The following PLS3 variants were observed in gnomAD, a reference collection of about 807,000 sequenced individuals.
The protein encoded by PLS3 is plastin 3.
Under a neutral mutation model 46.5 loss-of-function variants are expected in PLS3, and 11 were observed. The ratio of observed to expected loss-of-function variants is 0.24; its 90% CI spans 0.15 to 0.39. The LOEUF (loss-of-function observed/expected upper bound fraction) is 0.39. Among genes scored for constraint, PLS3 ranks in the 10% least tolerant of loss-of-function variants. The pLI, the probability that PLS3 is intolerant of heterozygous loss-of-function variation, is 1.00. For synonymous variants in PLS3, 167 were observed against 162.2 expected, an observed-to-expected ratio of 1.03 and a Z score of -0.22; for missense variants, 308 against 461.8, an observed-to-expected ratio of 0.67 and a Z score of 3.05.
rs1211607990 is a variant in PLS3 at position 115,624,227 on chromosome X, CAAAAAAAAAAAAA to C, written c.237+1832_237+1844del. 7.9e-4 allele frequency: 10 copies of C among 12,634 alleles called. No homozygotes were observed. In the Admixed American group the frequency reaches 8.4e-3, roughly 11 times the overall value. The allele number at this position is 12,634 out of a possible 1,213,427, so 1.0% of individuals were successfully genotyped here. On this transcript the variant is annotated intron_variant, in intron 3 of 15. Transcript: ENST00000355899. ...CTGGTGACAGAGTGAGACTCCGTCTCAAAAAAAAAAAAAAAAAAAAAAAAAAGCAGACTTGTGT... is the reference window on the plus strand; with the variant it reads ...CTGGTGACAGAGTGAGACTCCGTCTCAAAAAAAAAAAAAGCAGACTTGTGT...
chrX:115,590,831 TAATA>T (rs1346513396), intron 1 of PLS3, among the ~76,000 whole-genome samples: 5 of 100,052 alleles, frequency 5.0e-5, no homozygotes, highest in African/African-American at 1.9e-4. Flanking sequence ...AAAATAATAA[TAATA>T]AATAAAAGAA....
chrX:115,593,287 T>C (rs2074357846), intron 1 of PLS3, among the ~76,000 whole-genome samples: 1 of 110,385 alleles, frequency 9.1e-6, no homozygotes, highest in Admixed American at 9.8e-5. Context: ...TGTAGCTATT[T>C]GACCTGAACT....
At chrX:115,573,106 A>G (rs1556630864) in intron 1 of PLS3, among the ~76,000 whole-genome samples, 1 of 108,734 alleles carries the variant, frequency 9.2e-6, no homozygotes, top group African/African-American at 3.4e-5. Context: ...AAAAAAAAAA[A>G]AAAAGAAAAA....
At chrX:115,582,780 C>T (rs1459455933) in intron 1 of PLS3, among the ~76,000 whole-genome samples, 3 of 112,557 alleles carry the variant, frequency 2.7e-5, no homozygotes, top group African/African-American at 6.4e-5. Flanking sequence ...TAGCTCACGC[C>T]TGAATCCCAA....
chrX:115,591,007 C>T (rs1366700765), intron 1 of PLS3, among the ~76,000 whole-genome samples: 2 of 109,559 alleles, frequency 1.8e-5, no homozygotes, highest in African/African-American at 3.3e-5. Flanking sequence ...GGCGTGGTGG[C>T]GGGTGCTTGT....
At chrX:115,586,466 C>T (rs782075625) in intron 1 of PLS3, among the ~76,000 whole-genome samples, 1 of 98,440 alleles carries the variant, frequency 1.0e-5, no homozygotes, top group South Asian at 5.4e-4. Context: ...GCCAGGAGTT[C>T]GAGACTAGCC....
At chrX:115,612,069 T>G (rs2074553402) in intron 2 of PLS3, among the ~76,000 whole-genome samples, 1 of 111,451 alleles carries the variant, frequency 9.0e-6, no homozygotes, top group South Asian at 3.8e-4. Flanking sequence ...TCTTTTGTAG[T>G]CTCCACTCAG....
chrX:115,627,742 A>C (rs2074725009), intron 3 of PLS3, among the ~76,000 whole-genome samples: 1 of 111,925 alleles, frequency 8.9e-6, no homozygotes, highest in African/African-American at 3.2e-5. Context: ...GTGTGTCTGC[A>C]TACATATACA....
At chrX:115,564,584 G>A (rs2074160706) in intron 1 of PLS3, among the ~76,000 whole-genome samples, 1 of 111,680 alleles carries the variant, frequency 9.0e-6, no homozygotes, top group Non-Finnish European at 1.9e-5. Flanking sequence ...ACACTGAGAG[G>A]GTACAAGAAG....
intron 1 of PLS3, among the ~76,000 whole-genome samples, chrX:115,568,062 CT>C (rs1447134173): frequency 1.8e-5 from 2 of 111,462 alleles, no homozygotes; most frequent in Non-Finnish European, 3.8e-5. Context: ...AATTTTCAAG[CT>C]TTTTTTCTAT....
At chrX:115,575,689 C>T (rs782463711) in intron 1 of PLS3, among the ~76,000 whole-genome samples, 2 of 111,762 alleles carry the variant, frequency 1.8e-5, no homozygotes, top group East Asian at 2.8e-4. Flanking sequence ...GTGATCCACC[C>T]GCCTCGGCCT....
chrX:115,622,187 C>T, intron 2 of PLS3, 59 bp from the exon 3 acceptor site: 1 of 958,546 alleles, frequency 1.0e-6, no homozygotes, highest in Non-Finnish European at 1.5e-6. Flanking sequence ...AAGGGAAATA[C>T]TCTAACTTCT....
At chrX:115,636,509 A>G (rs782338423) in intron 7 of PLS3, among the ~76,000 whole-genome samples, 2 of 111,869 alleles carry the variant, frequency 1.8e-5, no homozygotes, top group Non-Finnish European at 3.8e-5. Context: ...CCCAGACCCA[A>G]ATCCTTGACT....
chrX:115,597,066 A>C (rs782001173), intron 1 of PLS3, among the ~76,000 whole-genome samples: 73 of 109,261 alleles, frequency 6.7e-4, no homozygotes, highest in African/African-American at 2.4e-3. Flanking sequence ...AATCACTTGA[A>C]CCCAGGAGGT....
At chrX:115,575,896 A>G (rs1556631129) in intron 1 of PLS3, among the ~76,000 whole-genome samples, 2 of 112,147 alleles carry the variant, frequency 1.8e-5, no homozygotes, top group African/African-American at 6.5e-5. Flanking sequence ...AACTTATTGT[A>G]TAATAAACAT....
chrX:115,643,101 T>C (rs781979072), intron 9 of PLS3, among the ~76,000 whole-genome samples: 112 of 111,557 alleles, frequency 1.0e-3, no homozygotes, highest in African/African-American at 3.4e-3. Flanking sequence ...ACTCAGTAGT[T>C]TGCTGTGTGA....
At chrX:115,648,946 G>A (rs1319919400) in intron 15 of PLS3, among the ~76,000 whole-genome samples, 3 of 111,292 alleles carry the variant, frequency 2.7e-5, no homozygotes, top group Non-Finnish European at 3.8e-5. Context: ...TTTTGGTCCA[G>A]CCACTCTGTC....
chrX:115,567,842 T>A (rs1214367418), intron 1 of PLS3, among the ~76,000 whole-genome samples: 1 of 108,836 alleles, frequency 9.2e-6, no homozygotes, highest in East Asian at 2.9e-4. Context: ...TATACACTTA[T>A]GTGTGCATAT....
rs2074747309 is a variant in PLS3 at position 115,629,926 on chromosome X, C to T, written c.459C>T (p.Thr153=). 5.1e-6 allele frequency: 6 copies of T among 1,185,650 alleles called. No homozygotes were observed. The South Asian group carries it at 5.5e-5, about 11-fold the overall frequency. Reference sequence around the variant, plus strand: ...ATGTTATACCAATGAACCCTAACACCGATGACCTGTTCAAAGCTGTTGGTG... The same window carrying T: ...ATGTTATACCAATGAACCCTAACACTGATGACCTGTTCAAAGCTGTTGGTG... ...CRHVIPMNPN[T]DDLFKAVGDG... Residue 153 remains threonine (T), a synonymous_variant, in exon 5 of 16, where the codon ACC becomes ACT. Transcript: ENST00000355899.
Sources: gnomAD v4.1 joint callset for allele counts (sites outside exome capture counted in the v4.1 genomes callset) on GRCh38, gnomAD v4.1.1 for gene constraint, MANE v1.5 for transcripts, NCBI Gene and HGNC (gene_info 2026-07-23, HGNC 2026-07-21) for gene names.